Variants in EPHA3 observed in about 807,000 individuals in gnomAD.
The protein encoded by EPHA3 is EPH receptor A3.
A neutral mutation model predicts 107.1 loss-of-function variants in EPHA3; 42 were observed. The ratio of observed to expected loss-of-function variants is 0.39; its 90% CI spans 0.31 to 0.51. The LOEUF is 0.51. Among genes scored for constraint, EPHA3 ranks in the 20% least tolerant of loss-of-function variants. EPHA3 has a pLI of 0.78. For synonymous variants in EPHA3, 461 were observed against 424.8 expected, an observed-to-expected ratio of 1.09 and a Z score of -1.05; for missense variants, 1,183 against 1,211.2, an observed-to-expected ratio of 0.98 and a Z score of 0.35.
At chr3:89,458,604 C>A (rs1167973903) in intron 15 of EPHA3, among the ~76,000 whole-genome samples, 1 of 152,172 alleles carries the variant, frequency 6.6e-6, no homozygotes, top group East Asian at 1.9e-4. Context: ...ACACTCTCTT[C>A]TATAATGGTT....
chr3:89,152,651 T>C (rs1353353228), intron 2 of EPHA3, among the ~76,000 whole-genome samples: 2 of 152,112 alleles, frequency 1.3e-5, no homozygotes, highest in African/African-American at 4.8e-5. Context: ...GTGCTTACAT[T>C]TTCCATCCAG....
At chr3:89,283,810 G>A (rs1412424144) in intron 3 of EPHA3, among the ~76,000 whole-genome samples, 1 of 152,050 alleles carries the variant, frequency 6.6e-6, no homozygotes, top group Non-Finnish European at 1.5e-5. Context: ...TCTTTCCCTT[G>A]TAAAAATGCT....
intron 2 of EPHA3, among the ~76,000 whole-genome samples, chr3:89,165,618 T>G (rs1170108280): frequency 6.6e-6 from 1 of 152,230 alleles, no homozygotes; most frequent in Non-Finnish European, 1.5e-5. Context: ...TGCTTAATTT[T>G]TAATGTTATT....
At chr3:89,372,748 T>C (rs1382172425) in intron 5 of EPHA3, among the ~76,000 whole-genome samples, 2 of 151,818 alleles carry the variant, frequency 1.3e-5, no homozygotes, top group Non-Finnish European at 2.9e-5. Flanking sequence ...GTGGTTAACA[T>C]TATTCTTGAT....
At chr3:89,142,691 C>A (rs1297622538) in intron 2 of EPHA3, among the ~76,000 whole-genome samples, 2 of 151,234 alleles carry the variant, frequency 1.3e-5, no homozygotes, top group Admixed American at 6.6e-5. Flanking sequence ...AATACTGTGG[C>A]CAAAGTGCAC....
intron 3 of EPHA3, among the ~76,000 whole-genome samples, chr3:89,268,536 T>G (rs1705589485): frequency 6.6e-6 from 1 of 152,104 alleles, no homozygotes; most frequent in African/African-American, 2.4e-5. Flanking sequence ...GTTTTCATGT[T>G]TCTGTTTTTT....
At chr3:89,198,033 TG>T (rs1228060306) in intron 2 of EPHA3, among the ~76,000 whole-genome samples, 1 of 152,174 alleles carries the variant, frequency 6.6e-6, no homozygotes, top group African/African-American at 2.4e-5. Flanking sequence ...AGTTACCTTT[TG>T]TCAATTATAT....
intron 3 of EPHA3, among the ~76,000 whole-genome samples, chr3:89,234,754 C>A (rs1704714488): frequency 6.9e-6 from 1 of 145,250 alleles, no homozygotes; most frequent in Admixed American, 6.9e-5. Context: ...TCCTTCCCTT[C>A]CCTCCCTTCC....
intron 2 of EPHA3, among the ~76,000 whole-genome samples, chr3:89,165,882 T>G: frequency 6.6e-6 from 1 of 152,176 alleles, no homozygotes. Flanking sequence ...AGGGCTTTTG[T>G]TCCTGTGTTT....
intron 5 of EPHA3, among the ~76,000 whole-genome samples, chr3:89,387,721 GTTGA>G (rs1708650980): frequency 6.7e-6 from 1 of 148,668 alleles, no homozygotes; most frequent in Non-Finnish European, 1.5e-5. Flanking sequence ...CAAGGAATAT[GTTGA>G]TTAATTGTTA....
At chr3:89,308,800 G>A (rs150157093) in intron 3 of EPHA3, among the ~76,000 whole-genome samples, 24 of 152,012 alleles carry the variant, frequency 1.6e-4, no homozygotes, top group East Asian at 1.5e-3. Flanking sequence ...AATGAAACTC[G>A]GTAATCTTTT....
At chr3:89,277,682 T>C (rs1705841952) in intron 3 of EPHA3, among the ~76,000 whole-genome samples, 1 of 152,152 alleles carries the variant, frequency 6.6e-6, no homozygotes, top group Non-Finnish European at 1.5e-5. Context: ...TCCCAGTATA[T>C]TATATTTTTT....
chr3:89,227,614 G>A (rs1704531647), intron 3 of EPHA3, among the ~76,000 whole-genome samples: 1 of 151,950 alleles, frequency 6.6e-6, no homozygotes, highest in African/African-American at 2.4e-5. Context: ...TACATATCCA[G>A]GAACAACTAG....
intron 2 of EPHA3, among the ~76,000 whole-genome samples, chr3:89,147,096 A>G (rs1368808519): frequency 6.6e-6 from 1 of 151,918 alleles, no homozygotes. Context: ...CAAAAAACCA[A>G]ACACCACATG....
At chr3:89,316,974 T>G (rs898891008) in intron 3 of EPHA3, among the ~76,000 whole-genome samples, 1 of 151,690 alleles carries the variant, frequency 6.6e-6, no homozygotes, top group African/African-American at 2.4e-5. Context: ...CTTTCTAAGA[T>G]CACTTAGAAA....
intron 3 of EPHA3, among the ~76,000 whole-genome samples, chr3:89,216,959 G>A (rs1208997585): frequency 2.6e-5 from 4 of 152,034 alleles, no homozygotes; most frequent in Non-Finnish European, 4.4e-5. Context: ...CCTCCTGATG[G>A]ACTTAGATTC....
intron 2 of EPHA3, among the ~76,000 whole-genome samples, chr3:89,162,481 A>G (rs1195431115): frequency 2.0e-5 from 3 of 152,172 alleles, no homozygotes; most frequent in Admixed American, 6.5e-5. Context: ...TCCTTCACTC[A>G]GTATTGTTCT....
chr3:89,202,534 AATATAT>A (rs71105121), intron 2 of EPHA3, among the ~76,000 whole-genome samples: 89 of 37,672 alleles, frequency 2.4e-3, no homozygotes, highest in African/African-American at 5.6e-3. Flanking sequence ...AAAAAAAAAA[AATATAT>A]ATATATATAT....
chr3:89,330,071 C>A (rs1295766622), intron 3 of EPHA3, among the ~76,000 whole-genome samples: 3 of 151,900 alleles, frequency 2.0e-5, no homozygotes, highest in African/African-American at 7.3e-5. Flanking sequence ...TTAAAAAACT[C>A]ATTCAGTCAA....
Sources: allele counts gnomAD v4.1 joint callset (sites outside exome capture counted in the v4.1 genomes callset), GRCh38; gene constraint gnomAD v4.1.1; transcripts MANE v1.5; gene names NCBI Gene and HGNC (gene_info 2026-07-23, HGNC 2026-07-21).